AIFM1: variants seen among roughly 807,000 people sequenced by gnomAD.
AIFM1 encodes apoptosis inducing factor mitochondria associated 1.
In AIFM1, 3 loss-of-function variants were observed where a neutral mutation model predicts 51.7. The observed-to-expected ratio is 0.06, with a 90% CI of 0.03 to 0.15. The LOEUF is 0.15. AIFM1 is among the 10% of genes least tolerant of loss of function. The pLI, the probability that AIFM1 is intolerant of heterozygous loss-of-function variation, is 1.00. For synonymous variants in AIFM1, 178 were observed against 179.4 expected, an observed-to-expected ratio of 0.99 and a Z score of 0.06; for missense variants, 330 against 476.8, an observed-to-expected ratio of 0.69 and a Z score of 2.87.
At chrX:130,137,570 A>G in intron 9 of AIFM1, 1 of 1,156,550 alleles carries the variant, frequency 8.6e-7, no homozygotes, top group Admixed American at 2.7e-5. Flanking sequence ...AAACATTCCA[A>G]CTGGAGCTCA....
intron 1 of AIFM1, among the ~76,000 whole-genome samples, chrX:130,163,333 G>GT (rs1308364478): frequency 1.2e-4 from 13 of 108,962 alleles, no homozygotes; most frequent in African/African-American, 4.3e-4. Flanking sequence ...AAGTTTAAAG[G>GT]TAAGGTGGAG....
intron 6 of AIFM1, among the ~76,000 whole-genome samples, chrX:130,141,687 A>G (rs184523622): frequency 2.7e-5 from 3 of 111,217 alleles, no homozygotes; most frequent in South Asian, 3.8e-4. Flanking sequence ...CTATATTCCT[A>G]CGAATCACTG....
At chrX:130,152,138 A>G (rs919452729) in intron 2 of AIFM1, among the ~76,000 whole-genome samples, 3 of 111,801 alleles carry the variant, frequency 2.7e-5, no homozygotes, top group African/African-American at 9.8e-5. Context: ...AAGAAAAGAA[A>G]AAAAAGAAAA....
chrX:130,154,072 C>T (rs1336008734), intron 2 of AIFM1, among the ~76,000 whole-genome samples: 1 of 112,520 alleles, frequency 8.9e-6, no homozygotes, highest in African/African-American at 3.2e-5. Flanking sequence ...CAAAACTGTA[C>T]ATAACAGTTC....
chrX:130,135,755 G>T (rs1371327775), intron 12 of AIFM1, among the ~76,000 whole-genome samples: 1 of 111,899 alleles, frequency 8.9e-6, no homozygotes, highest in Non-Finnish European at 1.9e-5. Context: ...AGGCTTATGT[G>T]CATGCCCACC....
chrX:130,147,909 C>T (rs1279527082), intron 3 of AIFM1, 33 bp from the exon 4 acceptor site: 7 of 1,208,532 alleles, frequency 5.8e-6, no homozygotes, highest in Non-Finnish European at 6.7e-6. Context: ...GATGAATCTT[C>T]TTGAAGTCTC....
At chrX:130,163,825 A>T (rs1180827780) in intron 1 of AIFM1, among the ~76,000 whole-genome samples, 2 of 111,385 alleles carry the variant, frequency 1.8e-5, no homozygotes, top group Non-Finnish European at 3.8e-5. Context: ...TAAGCAAAAC[A>T]ACTACTCAAA....
intron 9 of AIFM1, chrX:130,137,611 C>T (rs1050863436): frequency 9.7e-6 from 11 of 1,130,974 alleles, no homozygotes; most frequent in Non-Finnish European, 1.3e-5. Context: ...CCATCATGTG[C>T]CCAAAGAAGT....
chrX:130,160,541 A>G (rs1420866014), intron 1 of AIFM1, among the ~76,000 whole-genome samples: 1 of 112,013 alleles, frequency 8.9e-6, no homozygotes, highest in African/African-American at 3.2e-5. Context: ...GGAAATAGAA[A>G]TTCTTCCTAA....
At chrX:130,138,794 G>T in intron 8 of AIFM1, 93 bp from the exon 9 acceptor site, 1 of 609,611 alleles carries the variant, frequency 1.6e-6, no homozygotes, top group Non-Finnish European at 2.8e-6. Context: ...TTTGGCAAAA[G>T]TAAATTTTCT....
intron 15 of AIFM1, 50 bp from the exon 16 acceptor site, chrX:130,129,678 A>G (rs1385883919): frequency 9.1e-7 from 1 of 1,104,021 alleles, no homozygotes; most frequent in South Asian, 1.8e-5. Context: ...CATTGCGTTC[A>G]GGCCATGCCC....
At chrX:130,139,909 G>T (rs373070317) in intron 7 of AIFM1, 38 bp from the exon 8 acceptor site, 95 of 1,101,927 alleles carry the variant, frequency 8.6e-5, no homozygotes, top group Non-Finnish European at 1.1e-4. Flanking sequence ...AGCCCAACAA[G>T]CAGGAGCCAG....
In AIFM1 at chrX:130,149,515, C is replaced by A. The variant is rs1380994943; in HGVS notation, c.303G>T (p.Gly101=). ...DEKRYNERIS[G]LGLTPEQKQK... is the part of the protein sequence containing the mutation. Reference sequence around the variant, plus strand: ...GTTTCTGTTCTGGTGTCAGCCCTAACCCTGAAATTCTTTCATTGTATCTTT... The same window carrying A: ...GTTTCTGTTCTGGTGTCAGCCCTAAACCTGAAATTCTTTCATTGTATCTTT... Residue 101 remains glycine, a synonymous_variant, in exon 3 of 16, where the codon GGG becomes GGT. Transcript: ENST00000287295. 1 of 1,211,363 alleles carries A rather than the reference C, an allele frequency of 8.3e-7. No homozygotes were observed.
At chrX:130,143,309 C>T (rs1429737208) in intron 6 of AIFM1, among the ~76,000 whole-genome samples, 2 of 112,112 alleles carry the variant, frequency 1.8e-5, no homozygotes, top group Non-Finnish European at 3.8e-5. Context: ...GCAGATATTC[C>T]ACTTCATACT....
chrX:130,148,291 T>C (rs572549726), intron 3 of AIFM1, among the ~76,000 whole-genome samples: 5 of 111,287 alleles, frequency 4.5e-5, no homozygotes, highest in South Asian at 7.6e-4. Flanking sequence ...AGGAGGTCAA[T>C]TGGGGATTAT....
At chrX:130,158,762 A>C (rs1241693805) in intron 1 of AIFM1, among the ~76,000 whole-genome samples, 1 of 109,209 alleles carries the variant, frequency 9.2e-6, no homozygotes, top group East Asian at 2.8e-4. Context: ...TGTTTTAAGA[A>C]AGTTTACAAA....
At chrX:130,160,926 A>C (rs1446297944) in intron 1 of AIFM1, among the ~76,000 whole-genome samples, 2 of 110,327 alleles carry the variant, frequency 1.8e-5, no homozygotes, top group East Asian at 5.7e-4. Flanking sequence ...AAAATGAAAA[A>C]ATAAACTTAA....
chrX:130,163,807 G>A (rs575306549), intron 1 of AIFM1, among the ~76,000 whole-genome samples: 13 of 111,592 alleles, frequency 1.2e-4, no homozygotes, highest in Middle Eastern at 4.6e-3. Flanking sequence ...GGTAAAAGTT[G>A]TGAGACTTAA....
At chrX:130,134,323 G>A (rs745350852) in intron 12 of AIFM1, among the ~76,000 whole-genome samples, 1 of 110,753 alleles carries the variant, frequency 9.0e-6, no homozygotes, top group African/African-American at 3.3e-5. Context: ...TCTACTTCCT[G>A]TTCTTTCCTT....
Sources: allele counts gnomAD v4.1 joint callset (sites outside exome capture counted in the v4.1 genomes callset), GRCh38; gene constraint gnomAD v4.1.1; transcripts MANE v1.5; gene names NCBI Gene and HGNC (gene_info 2026-07-23, HGNC 2026-07-21).